MPPED2: variants seen among roughly 807,000 people sequenced by gnomAD.
MPPED2 encodes metallophosphoesterase domain containing 2, also known as metallophosphoesterase MPPED2.
MPPED2 carries 5 observed loss-of-function variants against 33.0 expected under a neutral mutation model. The ratio of observed to expected loss-of-function variants is 0.15; its 90% CI spans 0.08 to 0.32. MPPED2 has a LOEUF of 0.32. MPPED2 is among the 10% of genes least tolerant of loss of function. MPPED2 has a pLI of 1.00. For missense variants in MPPED2, 275 were observed against 372.1 expected (o/e 0.74, Z 2.15); for synonymous variants, 136 against 141.9 (o/e 0.96, Z 0.29).
At chr11:30,586,809 G>A (rs1392683528), upstream of MPPED2, 1 of 152,202 alleles carries the variant, frequency 6.6e-6, no homozygotes, top group Non-Finnish European at 1.5e-5. The surrounding 1 kb of genome is among the most constrained non-coding windows in gnomAD (Gnocchi z 4.8). Context: ...GGTAAGGGGA[G>A]CGGCTGGGAC....
Position 30,527,984 on chromosome 11 carries a change from G to C in MPPED2, c.310+8010C>G, listed in dbSNP as rs139364366. 4.2e-3 allele frequency among the ~76,000 whole-genome samples: 642 copies of C among 152,314 alleles called. 5 individuals are homozygous for C. The highest frequency in any genetic ancestry group is 0.034 in the Middle Eastern group (10 of 294). The stretch of plus-strand genomic sequence containing the variant: ...CTTAACTTCACAGCAATCTTTAGAG[G>C]CTGGATACACTAAGCATTAATAAGT... On this transcript the variant is annotated intron_variant, in intron 3 of 6. Coordinates refer to ENST00000358117, the MANE Select transcript of MPPED2 (RefSeq NM_001584.3).
intron 4 of MPPED2, among the ~76,000 whole-genome samples, chr11:30,492,734 C>A (rs1173659121): frequency 6.6e-6 from 1 of 152,028 alleles, no homozygotes; most frequent in South Asian, 2.1e-4. Context: ...TAGGTATAAA[C>A]TGGATCTGAG....
intron 4 of MPPED2, among the ~76,000 whole-genome samples, chr11:30,465,140 A>G (rs1393939569): frequency 6.6e-6 from 1 of 152,234 alleles, no homozygotes; most frequent in Non-Finnish European, 1.5e-5. Context: ...AATGATCTCA[A>G]ATTCACATTG....
chr11:30,581,506 C>G (rs1467794895), intron 1 of MPPED2, among the ~76,000 whole-genome samples: 3 of 152,154 alleles, frequency 2.0e-5, no homozygotes, highest in Non-Finnish European at 4.4e-5. Flanking sequence ...TTGGGTAACC[C>G]TTAGGTAACC....
chr11:30,531,940 C>G (rs187901697), intron 3 of MPPED2, among the ~76,000 whole-genome samples: 1 of 152,236 alleles, frequency 6.6e-6, no homozygotes, highest in Admixed American at 6.5e-5. Flanking sequence ...TCAAGCCCCA[C>G]TCTGGGAAGA....
intron 3 of MPPED2, among the ~76,000 whole-genome samples, chr11:30,519,820 T>A (rs1386927896): frequency 6.6e-6 from 1 of 152,174 alleles, no homozygotes; most frequent in Non-Finnish European, 1.5e-5. Flanking sequence ...TATATGCTCT[T>A]GGTTGATTAA....
intron 4 of MPPED2, among the ~76,000 whole-genome samples, chr11:30,490,667 G>A (rs1032853076): frequency 6.6e-6 from 1 of 151,788 alleles, no homozygotes. Context: ...AGAACATTAC[G>A]GTTGCAAACA....
chr11:30,522,192 G>T (rs1374526748), intron 3 of MPPED2, among the ~76,000 whole-genome samples: 1 of 152,092 alleles, frequency 6.6e-6, no homozygotes, highest in Non-Finnish European at 1.5e-5. Context: ...TAAATGGCAT[G>T]ATTAAGACAA....
At chr11:30,486,029 G>A (rs1347147537) in intron 4 of MPPED2, among the ~76,000 whole-genome samples, 1 of 152,188 alleles carries the variant, frequency 6.6e-6, no homozygotes, top group Non-Finnish European at 1.5e-5. Flanking sequence ...GGCAAAAGAG[G>A]AGCACCCAGT....
intron 3 of MPPED2, among the ~76,000 whole-genome samples, chr11:30,520,020 GGCA>G (rs1953766959): frequency 6.6e-6 from 1 of 152,054 alleles, no homozygotes; most frequent in Non-Finnish European, 1.5e-5. Context: ...TGCCCTCACA[GGCA>G]AGTACAGTCT....
At chr11:30,535,355 C>A (rs1954754464) in intron 3 of MPPED2, among the ~76,000 whole-genome samples, 1 of 152,120 alleles carries the variant, frequency 6.6e-6, no homozygotes, top group African/African-American at 2.4e-5. Context: ...AACCAGGATC[C>A]AATATTTTGC....
chr11:30,501,137 C>T (rs1276146283), intron 3 of MPPED2, among the ~76,000 whole-genome samples: 1 of 152,134 alleles, frequency 6.6e-6, no homozygotes, highest in East Asian at 1.9e-4. Flanking sequence ...GTTTCTGACA[C>T]TCTATATTCA....
chr11:30,410,807 A>T lies in MPPED2; in HGVS notation c.*661T>A. 1.0e-6 allele frequency: 1 copy of T among 985,772 alleles called. No individual in the cohort carries two copies. The highest frequency in any genetic ancestry group is 1.2e-6 in the Non-Finnish European group (1 of 829,842). 61.1% of individuals were successfully genotyped at this position (985,772 alleles called of 1,614,324 possible). A position where few individuals can be genotyped will look rare whatever the true frequency, so the allele number is the denominator to read the frequency against. On this transcript the variant is annotated 3_prime_UTR_variant, in exon 7 of 7. Coordinates refer to ENST00000358117, the MANE Select transcript of MPPED2 (RefSeq NM_001584.3). ...GACAGATTCCATTTCTGTATTTTTA[A>T]AGCTGAAATAATTTAAAAGAAACAA...
chr11:30,428,747 T>C (rs1948951013), intron 4 of MPPED2, among the ~76,000 whole-genome samples: 2 of 152,204 alleles, frequency 1.3e-5, no homozygotes, highest in Non-Finnish European at 2.9e-5. Context: ...ATAGCAACCA[T>C]ACACGTATGT....
chr11:30,474,670 T>C (rs180888483), intron 4 of MPPED2, among the ~76,000 whole-genome samples: 18 of 152,152 alleles, frequency 1.2e-4, no homozygotes, highest in African/African-American at 4.3e-4. Context: ...AAGAGGAGTC[T>C]GTCTACAGAT....
At chr11:30,558,370 CT>C (rs1328072075) in intron 2 of MPPED2, among the ~76,000 whole-genome samples, 1 of 151,712 alleles carries the variant, frequency 6.6e-6, no homozygotes, top group East Asian at 1.9e-4. Context: ...ACTTTGTAAA[CT>C]TTTTTCCCCT....
chr11:30,412,115 A>G (rs1189773187), intron 6 of MPPED2, among the ~76,000 whole-genome samples: 3 of 151,670 alleles, frequency 2.0e-5, no homozygotes, highest in East Asian at 3.9e-4. Flanking sequence ...AAAGTCAACC[A>G]TATATGATTT....
chr11:30,506,493 G>A (rs1319787760), intron 3 of MPPED2, among the ~76,000 whole-genome samples: 1 of 152,178 alleles, frequency 6.6e-6, no homozygotes, highest in Non-Finnish European at 1.5e-5. Context: ...TCTCTGATGA[G>A]ATGAAGAATG....
chr11:30,493,387 A>AT (rs1346809454), intron 4 of MPPED2, among the ~76,000 whole-genome samples: 1 of 151,834 alleles, frequency 6.6e-6, no homozygotes, highest in East Asian at 1.9e-4. Context: ...AAAAAAAAAA[A>AT]GAAAATATCT....
Sources: gnomAD v4.1 joint callset for allele counts (sites outside exome capture counted in the v4.1 genomes callset) on GRCh38, gnomAD v4.1.1 for gene constraint, Gnocchi (gnomAD v3.1) non-coding constraint, MANE v1.5 for transcripts, NCBI Gene and HGNC (gene_info 2026-07-23, HGNC 2026-07-21) for gene names.